The following MED7 variants were observed in gnomAD, a reference collection of about 807,000 sequenced individuals.
MED7 encodes the protein mediator of RNA polymerase II transcription subunit 7.
MED7 carries 7 observed loss-of-function variants against 16.6 expected under a neutral mutation model. That is an observed-to-expected ratio of 0.42 (90% CI 0.24 to 0.79). The LOEUF (loss-of-function observed/expected upper bound fraction) is 0.79. MED7 is among the 30% of genes least tolerant of loss of function. The probability of loss-of-function intolerance (pLI) is 0.27; values close to 1 mark genes in which losing one functional copy is unlikely to be tolerated. For synonymous variants in MED7, 88 were observed against 90.5 expected, an observed-to-expected ratio of 0.97 and a Z score of 0.16; for missense variants, 240 against 286.3, an observed-to-expected ratio of 0.84 and a Z score of 1.17.
rs1450934307 is a variant in MED7, at chr5:157,138,839, G to A, written c.593C>T (p.Thr198Ile). ...TTCTCTTTGATGTTCATTCTGTCCAGTACAATTGTTGCTATCATCAGCATC... is the reference window on the plus strand; with the variant it reads ...TTCTCTTTGATGTTCATTCTGTCCAATACAATTGTTGCTATCATCAGCATC... ...PMDADDSNNCTGQNEHQRENS... is the reference protein window; with the variant it reads ...PMDADDSNNCIGQNEHQRENS... The change falls in exon 2 of 2, where the codon ACT (threonine) becomes ATT (isoleucine). Residue 198 changes from threonine (T) to isoleucine (I), a missense_variant. Coordinates refer to ENST00000286317, the MANE Select transcript of MED7 (RefSeq NM_004270.5). 1.9e-6 allele frequency: 3 copies of A among 1,614,034 alleles called. No homozygotes were observed. Among genetic ancestry groups the A allele is most frequent in the African/African-American group, 1.3e-5 (1 of 75,030 alleles).
At chr5:157,141,325 C>G (rs1757720858) in intron 1 of MED7, among the ~76,000 whole-genome samples, 1 of 152,196 alleles carries the variant, frequency 6.6e-6, no homozygotes, top group African/African-American at 2.4e-5. Flanking sequence ...CGTGTTCCAC[C>G]TGCCTCGACC....
rs1208846832 is a variant in MED7 at position 157,138,638 on chromosome 5, T to C, written c.*92A>G. 1 of 1,147,088 alleles carries C rather than the reference T, an allele frequency of 8.7e-7. No homozygotes were observed. Among genetic ancestry groups the C allele is most frequent in the Admixed American group, 2.5e-5 (1 of 40,478 alleles). 71.1% of individuals were successfully genotyped at this position (1,147,088 alleles called of 1,614,324 possible). On this transcript the variant is annotated 3_prime_UTR_variant, in exon 2 of 2. Coordinates refer to ENST00000286317, the MANE Select transcript of MED7 (RefSeq NM_004270.5). Reference sequence around the variant, plus strand: ...GAGTCAAGATTAAAGCTGTTTACATTTTTAGTGAAACTTCTCTTAAGACTG... The same window carrying C: ...GAGTCAAGATTAAAGCTGTTTACATCTTTAGTGAAACTTCTCTTAAGACTG...
At chr5:157,141,015 T>C (rs1395109095) in intron 1 of MED7, among the ~76,000 whole-genome samples, 1 of 152,242 alleles carries the variant, frequency 6.6e-6, no homozygotes, top group Admixed American at 6.5e-5. Context: ...GTGACAAGAA[T>C]GTTTTCTTCT....
At position 157,138,703 on chromosome 5, in the gene MED7, A is replaced by C; in HGVS notation, c.*27T>G. 6.5e-7 allele frequency: 1 copy of C among 1,531,300 alleles called. No homozygotes were observed. Among genetic ancestry groups the C allele is most frequent in the Non-Finnish European group, 8.8e-7 (1 of 1,136,972 alleles). The allele number at this position is 1,531,300 out of a possible 1,614,324, so 94.9% of individuals were successfully genotyped here. A position where few individuals can be genotyped will look rare whatever the true frequency, so the allele number is the denominator to read the frequency against. ...AACTAATATATGATGCTATTATCAA[A>C]AGGAAAAAAAGAAAAAGAAACATCT... On this transcript the variant is annotated 3_prime_UTR_variant, in exon 2 of 2. Coordinates refer to ENST00000286317, the MANE Select transcript of MED7 (RefSeq NM_004270.5).
chr5:157,141,083 C>T (rs772463620), intron 1 of MED7, among the ~76,000 whole-genome samples: 1 of 141,216 alleles, frequency 7.1e-6, no homozygotes, highest in Non-Finnish European at 1.5e-5. Flanking sequence ...CTTCAAAATA[C>T]ATTTTTTTTT....
Position 157,138,756 on chromosome 5 carries a change from T to C in MED7, c.676A>G (p.Ile226Val). The C allele has an allele frequency of 6.2e-7, 1 of 1,605,112 alleles. No homozygotes were observed. Among genetic ancestry groups the C allele is most frequent in the Non-Finnish European group, 8.5e-7 (1 of 1,175,924 alleles). Residue 226 changes from isoleucine to valine, a missense_variant, in exon 2 of 2, where the codon ATT becomes GTT. By Grantham distance (29) the Ile-to-Val change is conservative (BLOSUM62 3). Coordinates refer to ENST00000286317, the MANE Select transcript of MED7 (RefSeq NM_004270.5). ...IEKDAALCVL[I>V]DEMNERP The stretch of plus-strand genomic sequence containing the variant: ...CATGGTCTTTCATTCATCTCATCAA[T>C]TAGGACACACAAGGCAGCATCTTTC...
chr5:157,139,989 C>G (rs1757699641), intron 1 of MED7, among the ~76,000 whole-genome samples: 2 of 152,114 alleles, frequency 1.3e-5, no homozygotes, highest in Non-Finnish European at 2.9e-5. Context: ...GTATACTATG[C>G]AATTTTATAT....
chr5:157,138,519 T>C lies in MED7; in HGVS notation c.*211A>G, dbSNP rs1757671103. The C allele has an allele frequency of 2.1e-6, 1 of 470,464 alleles. No homozygotes were observed. The highest frequency in any genetic ancestry group is 2.0e-5 in the African/African-American group (1 of 49,908). The allele number at this position is 470,464 out of a possible 1,614,324, so 29.1% of individuals were successfully genotyped here. ...CAACAGCAGCTAACACTTTGCTTTT[T>C]AAAGTGATTCTTCTTAGTGCAGGGA... is the stretch of plus-strand genomic sequence containing the variant. On this transcript the variant is annotated 3_prime_UTR_variant, in exon 2 of 2. Transcript: ENST00000286317.
intron 1 of MED7, among the ~76,000 whole-genome samples, chr5:157,140,060 G>A (rs1215241612): frequency 6.6e-6 from 1 of 152,208 alleles, no homozygotes; most frequent in Non-Finnish European, 1.5e-5. Flanking sequence ...CCAGGCTAGA[G>A]TGCAGTGGTG....
In MED7 at chr5:157,138,822, G is replaced by T. The variant is rs1229211137; in HGVS notation, c.610C>A (p.Gln204Lys). The change falls in exon 2 of 2, where the codon CAA (glutamine) becomes AAA (lysine). Residue 204 changes from glutamine (Q) to lysine (K), a missense_variant. Physicochemically the swap from Gln to Lys is moderately conservative, Grantham distance 53. Transcript: ENST00000286317. ...CTCCTATGACCTGAATTTTCTCTTT[G>T]ATGTTCATTCTGTCCAGTACAATTG... ...SNNCTGQNEH[Q>K]RENSGHRRDQ... 1.2e-6 allele frequency: 2 copies of T among 1,613,920 alleles called. No homozygotes were observed. The highest frequency in any genetic ancestry group is 2.2e-5 in the East Asian group (1 of 44,892).
intron 1 of MED7, 67 bp from the exon 2 acceptor site, chr5:157,139,515 T>C (rs926286194): frequency 2.1e-6 from 2 of 961,228 alleles, no homozygotes; most frequent in African/African-American, 1.7e-5. Context: ...TAACTACAGA[T>C]GGAATATTTT....
At chr5:157,139,526 C>A (rs1581777677) in intron 1 of MED7, 78 bp from the exon 2 acceptor site, 1 of 847,628 alleles carries the variant, frequency 1.2e-6, no homozygotes, top group East Asian at 2.8e-5. Flanking sequence ...GGAATATTTT[C>A]TTCCTTTTCT....
chr5:157,142,143 G>A (rs1457508225), intron 1 of MED7, among the ~76,000 whole-genome samples: 5 of 152,120 alleles, frequency 3.3e-5, no homozygotes, highest in South Asian at 2.1e-4. Context: ...CTTTTCAAAG[G>A]TGATGGAGGT....
At position 157,139,382 on chromosome 5, in the gene MED7, T is replaced by C. The variant is rs778160985; in HGVS notation, c.50A>G (p.Tyr17Cys). Residue 17 changes from tyrosine (Y) to cysteine (C), a missense_variant, in exon 2 of 2, where the codon TAT (tyrosine) becomes TGT (cysteine). Transcript: ENST00000286317. The stretch of plus-strand genomic sequence containing the variant: ...ATTTTCATCCGTATATTCCTTGATA[T>C]ATTGCATTGGAGGTGGTGGAAGTGC... ...VSALPPPPMQ[Y>C]IKEYTDENIQ... 9 of 1,606,284 alleles carry C rather than the reference T, an allele frequency of 5.6e-6. No individual in the cohort carries two copies. In the Admixed American group the frequency reaches 6.8e-5, roughly 12 times the overall value.
intron 1 of MED7, among the ~76,000 whole-genome samples, chr5:157,141,053 G>A (rs995808759): frequency 3.3e-5 from 5 of 151,856 alleles, no homozygotes; most frequent in Non-Finnish European, 7.4e-5. Flanking sequence ...CAAAATCAAA[G>A]AATTAACAGT....
intron 1 of MED7, among the ~76,000 whole-genome samples, chr5:157,140,017 T>C (rs940765923): frequency 1.3e-5 from 2 of 152,160 alleles, no homozygotes; most frequent in African/African-American, 4.8e-5. Context: ...TTAACTTTTG[T>C]TTGTTTTTTG....
chr5:157,141,139 G>A (rs1440805902), intron 1 of MED7, among the ~76,000 whole-genome samples: 2 of 152,128 alleles, frequency 1.3e-5, no homozygotes, highest in Non-Finnish European at 2.9e-5. Flanking sequence ...GGAGTGCAGT[G>A]GCACGATCTC....
chr5:157,139,333 C>A lies in MED7; in HGVS notation c.99G>T (p.Lys33Asn). The A allele has an allele frequency of 6.2e-7, 1 of 1,613,932 alleles. No individual in the cohort carries two copies. Among genetic ancestry groups the A allele is most frequent in the Admixed American group, 1.7e-5 (1 of 59,950 alleles). ...DENIQEGLAP[K>N]PPPPIKDSYM... ...AACTGTCTTTTATTGGAGGGGGAGG[C>A]TTGGGAGCTAAGCCTTCTTGAATAT... is the stretch of plus-strand genomic sequence containing the variant. The change falls in exon 2 of 2, where the codon AAG becomes AAT. Residue 33 changes from lysine (K) to asparagine (N), a missense_variant. Coordinates refer to ENST00000286317, the MANE Select transcript of MED7 (RefSeq NM_004270.5).
At chr5:157,140,800 C>A (rs1457154739) in intron 1 of MED7, among the ~76,000 whole-genome samples, 2 of 152,154 alleles carry the variant, frequency 1.3e-5, no homozygotes, top group African/African-American at 4.8e-5. Context: ...CCTTGGCCTC[C>A]CAAAGTGCTG....
Sources: gnomAD v4.1 joint callset for allele counts (sites outside exome capture counted in the v4.1 genomes callset) on GRCh38, gnomAD v4.1.1 for gene constraint, MANE v1.5 for transcripts, NCBI Gene and HGNC (gene_info 2026-07-23, HGNC 2026-07-21) for gene names.